The following SS18 variants were observed in gnomAD, a reference collection of about 807,000 sequenced individuals.
The protein encoded by SS18 is SS18 subunit of BAF chromatin remodeling complex, also known as protein SSXT.
In SS18, 28 loss-of-function variants were observed where a neutral mutation model predicts 72.5. That is an observed-to-expected ratio of 0.39 (90% CI 0.29 to 0.53). The LOEUF (loss-of-function observed/expected upper bound fraction) is 0.53, where lower values mean the gene tolerates loss of function less well. SS18 is among the 20% of genes least tolerant of loss of function. The pLI is 0.76. For synonymous variants in SS18, 172 were observed against 164.2 expected (o/e 1.05, Z -0.37); for missense variants, 518 against 535.3 (o/e 0.97, Z 0.32).
At chr18:26,079,729 C>T (rs556534907) in intron 2 of SS18, among the ~76,000 whole-genome samples, 181 of 152,132 alleles carry the variant, frequency 1.2e-3, no homozygotes, top group African/African-American at 4.1e-3. Flanking sequence ...CCCACAGGCA[C>T]ATACCACCAC....
intron 1 of SS18, among the ~76,000 whole-genome samples, 154 bp downstream of exon 1, chr18:26,090,347 G>A (rs1247446942): frequency 6.6e-6 from 1 of 152,112 alleles, no homozygotes; most frequent in Non-Finnish European, 1.5e-5. Flanking sequence ...ACCCACTCAG[G>A]CACAGCCAGC....
At chr18:26,080,059 A>G (rs2054488718) in intron 2 of SS18, among the ~76,000 whole-genome samples, 1 of 152,182 alleles carries the variant, frequency 6.6e-6, no homozygotes, top group East Asian at 1.9e-4. Context: ...ATGTTGCCCA[A>G]TGAGACATGA....
chr18:26,019,724 T>C (rs112588633), intron 10 of SS18, among the ~76,000 whole-genome samples: 2,254 of 136,192 alleles, frequency 0.017, 62 homozygotes, highest in African/African-American at 0.059. Context: ...GGCAAGAGAA[T>C]TGCATGAACC....
intron 3 of SS18, among the ~76,000 whole-genome samples, chr18:26,069,647 A>G (rs996697405): frequency 1.3e-5 from 2 of 152,214 alleles, no homozygotes; most frequent in African/African-American, 4.8e-5. Flanking sequence ...ACTAGACTAT[A>G]TGATTATCTA....
At chr18:26,074,297 A>G (rs1598603185) in intron 3 of SS18, among the ~76,000 whole-genome samples, 1 of 150,454 alleles carries the variant, frequency 6.6e-6, no homozygotes, top group East Asian at 2.0e-4. Flanking sequence ...AAGATTCCAC[A>G]CCACAACTAA....
At chr18:26,087,283 A>G (rs2054632050) in intron 2 of SS18, among the ~76,000 whole-genome samples, 1 of 152,186 alleles carries the variant, frequency 6.6e-6, no homozygotes, top group African/African-American at 2.4e-5. Flanking sequence ...CTGCCAAAGG[A>G]TACCCAGTGT....
Position 26,052,793 on chromosome 18 carries a change from T to G in SS18, c.438A>C (p.Thr146=). The G allele has an allele frequency of 4.3e-6, 7 of 1,614,182 alleles. No homozygotes were observed. The highest frequency in any genetic ancestry group is 5.9e-6 in the Non-Finnish European group (7 of 1,180,004). Reference sequence around the variant, plus strand: ...TTGAAGGCATATTCATGGAACTGTTTGTCATATTGAGTTGATTGGGTCCAG... The same window carrying G: ...TTGAAGGCATATTCATGGAACTGTTGGTCATATTGAGTTGATTGGGTCCAG... ...QGPGPNQLNM[T]NSSMNMPSSS... Residue 146 remains threonine, a synonymous_variant, in exon 5 of 11, where the codon ACA becomes ACC. Transcript: ENST00000415083.
intron 5 of SS18, among the ~76,000 whole-genome samples, chr18:26,052,114 T>C (rs183356556): frequency 6.6e-6 from 1 of 152,196 alleles, no homozygotes; most frequent in African/African-American, 2.4e-5. Flanking sequence ...ACAATTTCAT[T>C]CTGAGATTGG....
Position 26,027,837 on chromosome 18 carries a change from C to CT in SS18, c.1230+4561dup, listed in dbSNP as rs558456084. Among the ~76,000 whole-genome samples the CT allele has an allele frequency of 1.1e-4, 17 of 151,922 alleles. No homozygotes were observed. The East Asian group carries it at 3.3e-3, about 29-fold the overall frequency. ...TGAATCATAGACTTAAATGTAAACT[C>CT]TAAAATTATATAACTTCTAGAAGAA... is the stretch of plus-strand genomic sequence containing the variant. On this transcript the variant is annotated intron_variant, in intron 10 of 10. Coordinates refer to ENST00000415083, the MANE Select transcript of SS18 (RefSeq NM_001007559.3).
At chr18:26,054,173 GA>G (rs1006896369) in intron 4 of SS18, among the ~76,000 whole-genome samples, 4 of 150,494 alleles carry the variant, frequency 2.7e-5, no homozygotes, top group East Asian at 1.9e-4. Flanking sequence ...ATAATGACAA[GA>G]AAAAAAAAGT....
chr18:26,064,292 T>A (rs2054175174), intron 3 of SS18, among the ~76,000 whole-genome samples: 1 of 152,138 alleles, frequency 6.6e-6, no homozygotes, highest in Admixed American at 6.5e-5. Context: ...CAGTTCCCAA[T>A]TCTTTATGAA....
In SS18 at chr18:26,059,854, C is replaced by T. The variant is rs1429523703; in HGVS notation, c.232-2112G>A. Among the ~76,000 whole-genome samples, 5 of 152,154 alleles carry T rather than the reference C, an allele frequency of 3.3e-5. No individual in the cohort carries two copies. The East Asian group carries it at 9.6e-4, about 29-fold the overall frequency. On this transcript the variant is annotated intron_variant, in intron 3 of 10. Coordinates refer to ENST00000415083, the MANE Select transcript of SS18 (RefSeq NM_001007559.3). ...AAAACAAAAATAAATGACCAACACC[C>T]ACTTTGATAGCTGCAATAACATAAA...
intron 10 of SS18, among the ~76,000 whole-genome samples, chr18:26,030,170 G>A (rs77206547): frequency 0.051 from 7,808 of 152,088 alleles, 394 homozygotes; most frequent in East Asian, 0.15. Flanking sequence ...CCCCTAATAC[G>A]GCTTGTAAGA....
intron 3 of SS18, among the ~76,000 whole-genome samples, chr18:26,059,720 A>C (rs1349958994): frequency 6.6e-6 from 1 of 152,254 alleles, no homozygotes; most frequent in Non-Finnish European, 1.5e-5. Flanking sequence ...AGTACTTCAC[A>C]TACCAAAGGA....
intron 5 of SS18, among the ~76,000 whole-genome samples, chr18:26,050,851 G>A (rs1316869191): frequency 6.6e-6 from 1 of 152,162 alleles, no homozygotes; most frequent in African/African-American, 2.4e-5. Context: ...GGAGCTTGCA[G>A]AGAGCAGAGA....
chr18:26,090,362 C>A (rs2054700612), intron 1 of SS18, 139 bp downstream of exon 1: 3 of 804,982 alleles, frequency 3.7e-6, no homozygotes, highest in Middle Eastern at 3.5e-4. Context: ...GCCAGCAGTC[C>A]GTGTTCCCAA....
intron 10 of SS18, among the ~76,000 whole-genome samples, chr18:26,026,916 A>G (rs1365259605): frequency 1.3e-5 from 2 of 152,204 alleles, no homozygotes; most frequent in East Asian, 3.8e-4. Flanking sequence ...AAATAAATGT[A>G]AGACCTATAT....
At chr18:26,075,139 T>C (rs1001883528) in intron 3 of SS18, among the ~76,000 whole-genome samples, 2 of 151,922 alleles carry the variant, frequency 1.3e-5, no homozygotes, top group African/African-American at 2.4e-5. Context: ...TAAAGAATTG[T>C]ACCAATCATT....
intron 5 of SS18, among the ~76,000 whole-genome samples, chr18:26,047,485 A>G (rs902709613): frequency 3.9e-5 from 6 of 152,066 alleles, no homozygotes; most frequent in South Asian, 2.1e-4. Context: ...GGGAAAAATC[A>G]CATTTTTTCA....
Sources: allele counts gnomAD v4.1 joint callset (sites outside exome capture counted in the v4.1 genomes callset), GRCh38; gene constraint gnomAD v4.1.1; transcripts MANE v1.5; gene names NCBI Gene and HGNC (gene_info 2026-07-23, HGNC 2026-07-21).